Variants in KIT observed in about 807,000 individuals in gnomAD.
The protein encoded by KIT is mast/stem cell growth factor receptor Kit.
Under a neutral mutation model 105.7 loss-of-function variants are expected in KIT, and 16 were observed. The ratio of observed to expected loss-of-function variants is 0.15; its 90% CI spans 0.10 to 0.23. The LOEUF is 0.23. Ranked by LOEUF, KIT falls within the 10% of genes least tolerant of loss-of-function variation. The pLI is 1.00. For synonymous variants in KIT, 438 were observed against 441.1 expected (o/e 0.99, Z 0.09); for missense variants, 858 against 1,213.8 (o/e 0.71, Z 4.36).
rs1560413773 is a variant in KIT at position 54,722,851 on chromosome 4, ATTT to A, written c.1232-730_1232-728del. 2.5e-5 allele frequency among the ~76,000 whole-genome samples: 3 copies of A among 122,168 alleles called. No homozygotes were observed. In the East Asian group the frequency reaches 6.0e-4, roughly 24 times the overall value. The allele number at this position is 122,168 out of a possible 152,430, so 80.1% of individuals were successfully genotyped here. On this transcript the variant is annotated intron_variant, in intron 7 of 20. Transcript: ENST00000288135. ...TATGTATTTATATATATTTATATATATTTTTATATATATGTATATATATTTATA... is the reference window on the plus strand; with the variant it reads ...TATGTATTTATATATATTTATATATATTATATATATGTATATATATTTATA...
At position 54,729,390 on chromosome 4, in the gene KIT, G is replaced by T; in HGVS notation, c.2046G>T (p.Leu682Phe). The T allele has an allele frequency of 6.2e-7, 1 of 1,613,684 alleles. No individual in the cohort carries two copies. Among genetic ancestry groups the T allele is most frequent in the East Asian group, 2.2e-5 (1 of 44,846 alleles). The stretch of plus-strand genomic sequence containing the variant: ...GCTATGGTGATCTTTTGAATTTTTT[G>T]AGAAGAAAACGTGATTCATTTATTT... ...YCCYGDLLNF[L>F]RRKRDSFICS... Residue 682 changes from leucine to phenylalanine, a missense_variant, in exon 14 of 21, where the codon TTG becomes TTT. Physicochemically the swap from Leu to Phe is conservative, Grantham distance 22 (BLOSUM62 0). Coordinates refer to ENST00000288135, the MANE Select transcript of KIT (RefSeq NM_000222.3).
intron 1 of KIT, among the ~76,000 whole-genome samples, chr4:54,668,904 A>T (rs1285491446): frequency 1.3e-5 from 2 of 152,240 alleles, no homozygotes; most frequent in African/African-American, 4.8e-5. Flanking sequence ...TTCACAATGC[A>T]GACTTCCTTT....
At chr4:54,682,023 G>A (rs1005371237) in intron 1 of KIT, among the ~76,000 whole-genome samples, 2 of 151,440 alleles carry the variant, frequency 1.3e-5, no homozygotes, top group African/African-American at 4.8e-5. Flanking sequence ...TATATTATAA[G>A]AGAATCACTG....
chr4:54,685,825 C>G (rs944233123), intron 1 of KIT, among the ~76,000 whole-genome samples: 1 of 152,212 alleles, frequency 6.6e-6, no homozygotes, highest in African/African-American at 2.4e-5. Flanking sequence ...TACCCCTCAG[C>G]CTGGCTGCAC....
intron 1 of KIT, among the ~76,000 whole-genome samples, chr4:54,678,639 AC>A (rs986899202): frequency 6.6e-6 from 1 of 151,982 alleles, no homozygotes; most frequent in African/African-American, 2.4e-5. Flanking sequence ...CAAAACCCAC[AC>A]CTGTTTTCAT....
At chr4:54,730,397 A>G (rs932596020) in intron 14 of KIT, among the ~76,000 whole-genome samples, 1 of 152,120 alleles carries the variant, frequency 6.6e-6, no homozygotes, top group African/African-American at 2.4e-5. Context: ...CTCAGTAAAT[A>G]TTATTGATGG....
chr4:54,716,608 C>T (rs1278966418), intron 7 of KIT, among the ~76,000 whole-genome samples: 1 of 152,034 alleles, frequency 6.6e-6, no homozygotes, highest in Non-Finnish European at 1.5e-5. Flanking sequence ...CTTTCTATAA[C>T]ATCATTTTGG....
Position 54,707,146 on chromosome 4 carries a change from TA to T in KIT, c.977del (p.Asn326ThrfsTer6). ...CCCATGATAAACACTACAGTATTTG[TA>T]AACGATGGAGAAAATGTAGATTTGA... ...IFPMINTTVFVNDGENVDLIV... is the reference protein window; with the variant it reads ...IFPMINTTVFXNDGENVDLIV... On this transcript the variant is annotated frameshift_variant, in exon 6 of 21. Transcript: ENST00000288135. LOFTEE classifies it high-confidence loss of function. The T allele has an allele frequency of 6.3e-7, 1 of 1,580,960 alleles. No individual in the cohort carries two copies. The highest frequency in any genetic ancestry group is 8.7e-7 in the Non-Finnish European group (1 of 1,150,022).
At chr4:54,681,036 C>T (rs1718876324) in intron 1 of KIT, among the ~76,000 whole-genome samples, 1 of 152,022 alleles carries the variant, frequency 6.6e-6, no homozygotes, top group Non-Finnish European at 1.5e-5. Flanking sequence ...GTGTGGCTGA[C>T]CTTTGCCATG....
At chr4:54,725,750 G>C in intron 8 of KIT, 107 bp from the exon 9 acceptor site, 1 of 1,056,338 alleles carries the variant, frequency 9.5e-7, no homozygotes, top group Non-Finnish European at 1.4e-6. Flanking sequence ...ATTTTCTGTT[G>C]ATTATGAACC....
intron 7 of KIT, among the ~76,000 whole-genome samples, chr4:54,714,759 A>G (rs1482137377): frequency 1.3e-5 from 2 of 152,234 alleles, no homozygotes; most frequent in African/African-American, 4.8e-5. Flanking sequence ...GATCATAAAT[A>G]GATCCCGCTC....
intron 1 of KIT, among the ~76,000 whole-genome samples, chr4:54,688,450 T>C (rs1477824779): frequency 6.6e-6 from 1 of 151,538 alleles, no homozygotes; most frequent in Non-Finnish European, 1.5e-5. Flanking sequence ...GTGGGTTTTC[T>C]TCCCCGCCAT....
At chr4:54,662,995 A>C (rs6836596) in intron 1 of KIT, among the ~76,000 whole-genome samples, 21 of 143,700 alleles carry the variant, frequency 1.5e-4, no homozygotes, top group Middle Eastern at 3.2e-3. Context: ...TCCAGGGGGG[A>C]AAAAAAAAAA....
chr4:54,708,547 T>C (rs1269762942), intron 6 of KIT, among the ~76,000 whole-genome samples: 1 of 152,058 alleles, frequency 6.6e-6, no homozygotes, highest in Non-Finnish European at 1.5e-5. Flanking sequence ...GCAAGGGCAA[T>C]CCTTGGGAGA....
intron 8 of KIT, 21 bp downstream of exon 8, chr4:54,723,719 A>G (rs2109761583): frequency 7.2e-7 from 1 of 1,384,376 alleles, no homozygotes; most frequent in East Asian, 2.3e-5. Context: ...TATTTTTGGC[A>G]CTGCTTATAA....
Position 54,738,897 on chromosome 4 carries a change from T to C in KIT, c.*340T>C. The C allele has an allele frequency of 1.7e-6, 1 of 594,668 alleles. No homozygotes were observed. The allele number at this position is 594,668 out of a possible 1,614,324, so 36.8% of individuals were successfully genotyped here. ...CCAAAAATATGGTTGATAGTTTACC[T>C]GAATAAATGGTAGTAATCACAGTTG... On this transcript the variant is annotated 3_prime_UTR_variant, in exon 21 of 21. Coordinates refer to ENST00000288135, the MANE Select transcript of KIT (RefSeq NM_000222.3).
At chr4:54,692,295 G>C (rs1312627958) in intron 1 of KIT, among the ~76,000 whole-genome samples, 2 of 152,240 alleles carry the variant, frequency 1.3e-5, no homozygotes, top group Non-Finnish European at 2.9e-5. Context: ...ATCCAGTCCT[G>C]TTTTAATCTC....
chr4:54,693,088 G>C (rs940040900), intron 1 of KIT, among the ~76,000 whole-genome samples: 1 of 152,180 alleles, frequency 6.6e-6, no homozygotes, highest in East Asian at 1.9e-4. Context: ...TTTGGCTACA[G>C]ATCTCTATTT....
At chr4:54,709,676 G>A (rs921037506) in intron 7 of KIT, 137 bp downstream of exon 7, 9 of 705,548 alleles carry the variant, frequency 1.3e-5, no homozygotes, top group Admixed American at 2.0e-5. Context: ...CAGAGACTTC[G>A]TGGTTTGGTG....
Sources: allele counts gnomAD v4.1 joint callset (sites outside exome capture counted in the v4.1 genomes callset), GRCh38; gene constraint gnomAD v4.1.1; transcripts MANE v1.5; gene names NCBI Gene and HGNC (gene_info 2026-07-23, HGNC 2026-07-21).